TACC2: variants seen among roughly 807,000 people sequenced by gnomAD.
The protein encoded by TACC2 is transforming acidic coiled-coil containing protein 2.
Under a neutral mutation model 227.3 loss-of-function variants are expected in TACC2, and 137 were observed. That is an observed-to-expected ratio of 0.60 (90% confidence interval 0.52 to 0.69). The LOEUF is 0.69. Ranked by LOEUF, TACC2 falls within the 30% of genes least tolerant of loss-of-function variation. TACC2 has a pLI of 0.00. For synonymous variants in TACC2, 1,523 were observed against 1,487.5 expected (o/e 1.02, Z -0.55); for missense variants, 3,470 against 3,694.4 (o/e 0.94, Z 1.57).
Position 122,013,654 on chromosome 10 carries a change from G to T in TACC2, c.-45-8283G>T, listed in dbSNP as rs1007145658. Among the ~76,000 whole-genome samples, 15 of 152,350 alleles carry T rather than the reference G, an allele frequency of 9.8e-5. No homozygotes were observed. In the South Asian group the frequency reaches 1.0e-3, roughly 11 times the overall value. On this transcript the variant is annotated intron_variant, in intron 1 of 22. Transcript: ENST00000369005. ...GATGAGCAAACACAACTTGGACCAT[G>T]TCCTCCACTGACACAGAACCCGACT...
At chr10:122,164,393 G>A (rs928510950) in intron 7 of TACC2, among the ~76,000 whole-genome samples, 2 of 152,246 alleles carry the variant, frequency 1.3e-5, no homozygotes, top group Non-Finnish European at 2.9e-5. Context: ...CCCAGTTTCC[G>A]GGCAGCTGCG....
intron 5 of TACC2, among the ~76,000 whole-genome samples, chr10:122,091,723 G>A (rs1301082516): frequency 6.6e-6 from 1 of 152,190 alleles, no homozygotes; most frequent in Non-Finnish European, 1.5e-5. Context: ...TGGTCTCGGA[G>A]GAAGTCCTGC....
At chr10:122,214,942 G>A (rs74159094) in intron 9 of TACC2, among the ~76,000 whole-genome samples, 1 of 151,970 alleles carries the variant, frequency 6.6e-6, no homozygotes, top group African/African-American at 2.4e-5. Flanking sequence ...CTATTTCTGC[G>A]TGGCCCCCTT....
Position 122,071,268 on chromosome 10 carries a change from G to A in TACC2, c.147-11379G>A, listed in dbSNP as rs527961781. Among the ~76,000 whole-genome samples the A allele has an allele frequency of 3.3e-5, 5 of 152,292 alleles. No individual in the cohort carries two copies. The East Asian group carries it at 5.8e-4, about 18-fold the overall frequency. ...TGATCAGAAATTATTATATCAGAAT[G>A]TTATTGGCATGACTTTATCTAGACA... On this transcript the variant is annotated intron_variant, in intron 3 of 22. Coordinates refer to ENST00000369005, the MANE Select transcript of TACC2 (RefSeq NM_206862.4).
At chr10:122,182,387 A>G (rs186630546) in intron 7 of TACC2, among the ~76,000 whole-genome samples, 1 of 152,272 alleles carries the variant, frequency 6.6e-6, no homozygotes, top group Admixed American at 6.5e-5. Context: ...GCCTGATTAA[A>G]ATTCCAGCTG....
At chr10:122,020,032 C>T (rs1043340946) in intron 1 of TACC2, among the ~76,000 whole-genome samples, 6 of 152,108 alleles carry the variant, frequency 3.9e-5, no homozygotes, top group African/African-American at 1.2e-4. Flanking sequence ...GGAGTTTTGC[C>T]GGTCTCTTTA....
Position 122,226,490 on chromosome 10 carries a change from TC to T in TACC2, c.7724+11del. The T allele has an allele frequency of 6.3e-7, 1 of 1,592,124 alleles. No homozygotes were observed. The highest frequency in any genetic ancestry group is 8.6e-7 in the Non-Finnish European group (1 of 1,161,474). On this transcript the variant is annotated intron_variant, in intron 13 of 22. Coordinates refer to ENST00000369005, the MANE Select transcript of TACC2 (RefSeq NM_206862.4). ...CCGACGCCGTGTTCAGGGTATGACT[TC>T]CATGATGAGAGAGTTACACATCATG...
At chr10:122,202,063 G>A (rs1314732730) in intron 8 of TACC2, among the ~76,000 whole-genome samples, 3 of 124,780 alleles carry the variant, frequency 2.4e-5, no homozygotes, top group African/African-American at 9.3e-5. Context: ...TATTATTTTC[G>A]ATGATGGCTC....
intron 7 of TACC2, among the ~76,000 whole-genome samples, chr10:122,148,982 C>T (rs2091735953): frequency 6.6e-6 from 1 of 152,238 alleles, no homozygotes; most frequent in African/African-American, 2.4e-5. Flanking sequence ...CCATCGTAGC[C>T]CTCCTGAGGC....
At chr10:121,999,174 A>G (rs894587273) in intron 1 of TACC2, among the ~76,000 whole-genome samples, 4 of 151,984 alleles carry the variant, frequency 2.6e-5, no homozygotes, top group African/African-American at 9.7e-5. Context: ...ACGCCCAGCT[A>G]ATTTTTTGTA....
chr10:122,176,113 CTCTCTATA>C (rs1253377879), intron 7 of TACC2, among the ~76,000 whole-genome samples: 2,872 of 53,264 alleles, frequency 0.054, 19 homozygotes, highest in Non-Finnish European at 0.061. Flanking sequence ...CTCTCTCTCT[CTCTCTATA>C]TATATATATA....
intron 10 of TACC2, among the ~76,000 whole-genome samples, 157 bp downstream of exon 10, chr10:122,215,608 T>A (rs2095387625): frequency 6.6e-6 from 1 of 152,136 alleles, no homozygotes; most frequent in Non-Finnish European, 1.5e-5. Flanking sequence ...TGCTTCACAT[T>A]GTTTTGGTCC....
intron 5 of TACC2, among the ~76,000 whole-genome samples, chr10:122,119,485 T>C (rs2085315277): frequency 6.6e-6 from 1 of 152,234 alleles, no homozygotes; most frequent in Non-Finnish European, 1.5e-5. Flanking sequence ...CATCCTCAGC[T>C]GAGATCTTGA....
intron 7 of TACC2, among the ~76,000 whole-genome samples, chr10:122,158,984 G>C (rs1446399722): frequency 6.6e-6 from 1 of 152,154 alleles, no homozygotes; most frequent in Non-Finnish European, 1.5e-5. Flanking sequence ...ACCAGACACA[G>C]ACACACCTGA....
chr10:122,239,517 C>T (rs1200665544), intron 18 of TACC2, among the ~76,000 whole-genome samples: 1 of 152,204 alleles, frequency 6.6e-6, no homozygotes, highest in Non-Finnish European at 1.5e-5. Flanking sequence ...AAACGAAAGC[C>T]CTGCATTTGC....
intron 2 of TACC2, among the ~76,000 whole-genome samples, chr10:122,030,423 A>C (rs1958798893): frequency 6.6e-6 from 1 of 152,092 alleles, no homozygotes; most frequent in Non-Finnish European, 1.5e-5. Flanking sequence ...AGTGATGTCG[A>C]CTTCTCTCAC....
chr10:122,136,422 A>T (rs1015430707), intron 6 of TACC2, among the ~76,000 whole-genome samples: 5 of 151,988 alleles, frequency 3.3e-5, no homozygotes, highest in African/African-American at 1.2e-4. Flanking sequence ...AGGGACCAAC[A>T]TGGGGCAGGG....
chr10:122,061,457 C>T (rs1319798098), intron 3 of TACC2, among the ~76,000 whole-genome samples: 1 of 152,094 alleles, frequency 6.6e-6, no homozygotes, highest in Non-Finnish European at 1.5e-5. Context: ...GGAAATCCTA[C>T]GGGTGCCAGG....
At chr10:122,090,504 G>A (rs779020215) in intron 5 of TACC2, among the ~76,000 whole-genome samples, 38 of 138,712 alleles carry the variant, frequency 2.7e-4, no homozygotes, top group Middle Eastern at 4.4e-3. Context: ...CCGAGATTGC[G>A]CCACTGCACT....
Sources: allele counts gnomAD v4.1 joint callset (sites outside exome capture counted in the v4.1 genomes callset), GRCh38; gene constraint gnomAD v4.1.1; transcripts MANE v1.5; gene names NCBI Gene and HGNC (gene_info 2026-07-23, HGNC 2026-07-21).